Variants in DCDC1 observed in about 807,000 individuals in gnomAD.
DCDC1 encodes the protein doublecortin domain containing 1.
Under a neutral mutation model 178.3 loss-of-function variants are expected in DCDC1, and 200 were observed. The ratio of observed to expected loss-of-function variants is 1.12; its 90% CI spans 1.00 to 1.26. The LOEUF is 1.26. Ranked by LOEUF, DCDC1 falls within the 50% of genes most tolerant of loss-of-function variation. DCDC1 has a pLI of 0.00. For synonymous variants in DCDC1, 690 were observed against 604.8 expected (o/e 1.14, Z -2.07); for missense variants, 1,983 against 1,749.2 (o/e 1.13, Z -2.38).
intron 20 of DCDC1, among the ~76,000 whole-genome samples, chr11:30,999,937 C>T (rs1157754495): frequency 2.0e-5 from 3 of 151,980 alleles, no homozygotes; most frequent in Non-Finnish European, 4.4e-5. Context: ...CTCGTTCTCC[C>T]CTTTAAGAAT....
At chr11:31,287,168 T>C (rs1946894903) in intron 7 of DCDC1, among the ~76,000 whole-genome samples, 1 of 151,712 alleles carries the variant, frequency 6.6e-6, no homozygotes, top group African/African-American at 2.4e-5. Flanking sequence ...GTCTGTAACA[T>C]TAAAGATCAA....
intron 9 of DCDC1, among the ~76,000 whole-genome samples, chr11:31,156,906 G>C (rs1965767560): frequency 6.6e-6 from 1 of 152,018 alleles, no homozygotes; most frequent in Non-Finnish European, 1.5e-5. Flanking sequence ...TAAATATTAA[G>C]ACTTTCAAGT....
intron 8 of DCDC1, among the ~76,000 whole-genome samples, chr11:31,260,948 T>G (rs1944739207): frequency 6.6e-6 from 1 of 152,194 alleles, no homozygotes; most frequent in South Asian, 2.1e-4. Context: ...GGTTAATAAA[T>G]ATATGCTTTG....
Position 31,190,156 on chromosome 11 carries a change from C to T in DCDC1, c.1221+51294G>A, listed in dbSNP as rs116310672. Among the ~76,000 whole-genome samples the T allele has an allele frequency of 4.1e-3, 628 of 152,214 alleles. 2 individuals carry two copies. Among genetic ancestry groups the T allele is most frequent in the African/African-American group, 0.015 (608 of 41,540 alleles). ...TGAAGATAGCACATACTTTACCTCA[C>T]GAGTCAGCTAGGAATATAAGAAGAA... On this transcript the variant is annotated intron_variant, in intron 9 of 38. Transcript: ENST00000684477.
intron 9 of DCDC1, among the ~76,000 whole-genome samples, chr11:31,202,891 T>C (rs1333629745): frequency 3.3e-5 from 5 of 152,128 alleles, no homozygotes; most frequent in Non-Finnish European, 7.3e-5. Flanking sequence ...TTTCGATATA[T>C]GACTTTATGG....
At chr11:31,342,143 C>G (rs10835764) in intron 1 of DCDC1, among the ~76,000 whole-genome samples, 8,486 of 152,242 alleles carry the variant, frequency 0.056, 337 homozygotes, top group South Asian at 0.14. Context: ...TTTTGAACGA[C>G]AGTTAACACC....
At chr11:30,947,753 C>T (rs1047862965) in intron 21 of DCDC1, among the ~76,000 whole-genome samples, 7 of 151,714 alleles carry the variant, frequency 4.6e-5, no homozygotes, top group South Asian at 2.1e-4. Flanking sequence ...CAACAGCAAA[C>T]GAAACAATCA....
At chr11:31,204,350 A>G (rs1177789917) in intron 9 of DCDC1, among the ~76,000 whole-genome samples, 1 of 152,200 alleles carries the variant, frequency 6.6e-6, no homozygotes, top group Non-Finnish European at 1.5e-5. Flanking sequence ...GGTGCCAAGG[A>G]TAACAATAAC....
At chr11:31,141,208 A>C (rs747150881) in intron 9 of DCDC1, among the ~76,000 whole-genome samples, 2 of 152,246 alleles carry the variant, frequency 1.3e-5, no homozygotes, top group African/African-American at 2.4e-5. Context: ...TAACATGTTA[A>C]GATCTTTAAA....
At chr11:30,976,980 A>G (rs1950138523) in intron 20 of DCDC1, among the ~76,000 whole-genome samples, 1 of 152,222 alleles carries the variant, frequency 6.6e-6, no homozygotes, top group Admixed American at 6.5e-5. Flanking sequence ...GAGTATATAT[A>G]AAATGGAATA....
At chr11:31,192,939 A>T (rs1490505527) in intron 9 of DCDC1, among the ~76,000 whole-genome samples, 1 of 152,106 alleles carries the variant, frequency 6.6e-6, no homozygotes, top group African/African-American at 2.4e-5. Flanking sequence ...AGTAGAAGGA[A>T]GGTAAATTTG....
intron 15 of DCDC1, among the ~76,000 whole-genome samples, 158 bp downstream of exon 15, chr11:31,102,019 G>A (rs1162126809): frequency 6.6e-6 from 1 of 151,608 alleles, no homozygotes; most frequent in African/African-American, 2.4e-5. Flanking sequence ...AGAGGCTGCA[G>A]TGAGCCGAGA....
rs1329555846 is a variant in DCDC1, at chr11:31,328,162, T to A, written c.119A>T (p.Asn40Ile). The stretch of plus-strand genomic sequence containing the variant: ...ATATTTGTAAATTGGGTTTACAGTA[T>A]TCCCATCCAAAGTGCCTTCAGGGCT... Reference protein sequence around the residue: ...QSSPEGTLDGNTVNPIYKYIL... With the variant: ...QSSPEGTLDGITVNPIYKYIL... The change falls in exon 3 of 39, where the codon AAT becomes ATT. Residue 40 changes from asparagine (N) to isoleucine (I), a missense_variant. Physicochemically the swap from Asn to Ile is moderately radical, Grantham distance 149 (BLOSUM62 -3). Transcript: ENST00000684477. 6.2e-7 allele frequency: 1 copy of A among 1,612,766 alleles called. No individual in the cohort carries two copies. The highest frequency in any genetic ancestry group is 1.1e-5 in the South Asian group (1 of 90,938).
At chr11:30,977,361 A>G (rs1362357815) in intron 20 of DCDC1, among the ~76,000 whole-genome samples, 1 of 152,248 alleles carries the variant, frequency 6.6e-6, no homozygotes, top group Non-Finnish European at 1.5e-5. Context: ...TAGAAACGGT[A>G]AATACTCAAT....
At chr11:31,051,072 A>C (rs1383635155) in intron 20 of DCDC1, among the ~76,000 whole-genome samples, 1 of 152,202 alleles carries the variant, frequency 6.6e-6, no homozygotes, top group Non-Finnish European at 1.5e-5. Context: ...ATCCAAGGAA[A>C]TCCAAAAAAT....
chr11:31,070,966 T>C (rs986036012), intron 18 of DCDC1, among the ~76,000 whole-genome samples: 8 of 152,194 alleles, frequency 5.3e-5, no homozygotes, highest in Non-Finnish European at 2.9e-5. Flanking sequence ...AGGCATGTTT[T>C]TGAAGAGGGT....
chr11:31,262,740 C>G (rs1412343807), intron 8 of DCDC1: 2 of 233,364 alleles, frequency 8.6e-6, no homozygotes, highest in Non-Finnish European at 1.6e-5. Context: ...GTTTAGGGAT[C>G]TCAATCATTT....
At chr11:31,065,319 TTTAATA>T (rs1956185688) in intron 18 of DCDC1, among the ~76,000 whole-genome samples, 166 bp from the exon 19 acceptor site, 1 of 152,204 alleles carries the variant, frequency 6.6e-6, no homozygotes, top group Non-Finnish European at 1.5e-5. Context: ...GCCAAATGAC[TTTAATA>T]TTAACGTTTC....
chr11:31,021,551 TA>T (rs1952881063), intron 20 of DCDC1, among the ~76,000 whole-genome samples: 1 of 152,120 alleles, frequency 6.6e-6, no homozygotes, highest in Non-Finnish European at 1.5e-5. Flanking sequence ...GTATATGCAT[TA>T]AAAAAATCTC....
Sources: allele counts gnomAD v4.1 joint callset (sites outside exome capture counted in the v4.1 genomes callset), GRCh38; gene constraint gnomAD v4.1.1; transcripts MANE v1.5; gene names NCBI Gene and HGNC (gene_info 2026-07-23, HGNC 2026-07-21).